Variants in SASH1 observed in about 807,000 individuals in gnomAD.
SASH1 encodes SAM and SH3 domain containing 1.
SASH1 carries 44 observed loss-of-function variants against 125.2 expected under a neutral mutation model. The ratio of observed to expected loss-of-function variants is 0.35; its 90% confidence interval spans 0.28 to 0.45. The LOEUF (loss-of-function observed/expected upper bound fraction) is 0.45. SASH1 is among the 20% of genes least tolerant of loss of function. SASH1 has a pLI of 1.00. For missense variants in SASH1, 1,426 were observed against 1,614.5 expected (o/e 0.88, Z 2.00); for synonymous variants, 639 against 649.1 (o/e 0.98, Z 0.24).
intron 2 of SASH1, among the ~76,000 whole-genome samples, chr6:148,400,142 C>G (rs113057213): frequency 0.011 from 1,732 of 152,290 alleles, 21 homozygotes; most frequent in African/African-American, 0.031. Context: ...GTTTCTGTAG[C>G]TGGATCTATG....
At chr6:148,274,188 G>C (rs1014077595) in intron 1 of SASH1, among the ~76,000 whole-genome samples, 1 of 152,174 alleles carries the variant, frequency 6.6e-6, no homozygotes, top group Non-Finnish European at 1.5e-5. Context: ...GGAGTCCAAG[G>C]GAGGCTGGTA....
At chr6:148,369,986 AG>A (rs1782648403) in intron 1 of SASH1, among the ~76,000 whole-genome samples, 5 of 146,248 alleles carry the variant, frequency 3.4e-5, no homozygotes, top group South Asian at 2.2e-4. Flanking sequence ...AAAAAAAAAA[AG>A]GAAAGAAAAA....
chr6:148,476,747 AAC>A (rs1243970606), intron 7 of SASH1, among the ~76,000 whole-genome samples: 1 of 152,208 alleles, frequency 6.6e-6, no homozygotes. Context: ...GAATACCTAG[AAC>A]AGCCAAAGCC....
intron 2 of SASH1, among the ~76,000 whole-genome samples, chr6:148,416,010 C>T (rs779771672): frequency 6.6e-6 from 1 of 151,950 alleles, no homozygotes; most frequent in Non-Finnish European, 1.5e-5. Context: ...TTCAAGCCTA[C>T]ATCCATCAAG....
rs1053332570 is a variant in SASH1, at chr6:148,496,729, C to T, written c.729+9014C>T. On this transcript the variant is annotated intron_variant, in intron 8 of 19. Transcript: ENST00000367467. ...ATCTACATAAAATAAAAAAGTTAGC[C>T]GGGCATGGTGGCACACGCCTGTAGT... Among the ~76,000 whole-genome samples the T allele has an allele frequency of 3.3e-5, 5 of 152,082 alleles. No individual in the cohort carries two copies. In the South Asian group the frequency reaches 6.2e-4, roughly 19 times the overall value.
intron 8 of SASH1, among the ~76,000 whole-genome samples, chr6:148,494,727 C>T (rs933664805): frequency 6.6e-6 from 1 of 152,184 alleles, no homozygotes; most frequent in African/African-American, 2.4e-5. Context: ...CTCTTCATAG[C>T]CTTCCATTCA....
intron 1 of SASH1, among the ~76,000 whole-genome samples, chr6:148,376,156 T>G (rs1782882850): frequency 6.6e-6 from 1 of 152,168 alleles, no homozygotes; most frequent in Non-Finnish European, 1.5e-5. Context: ...AACCCCTGCC[T>G]TCTGGATTCA....
Position 148,283,559 on chromosome 6 carries a change from G to A in SASH1, n.74+11182G>A, listed in dbSNP as rs189044287. On this transcript the variant is annotated intron_variant and non_coding_transcript_variant, in intron 1 of 3. Coordinates refer to the SASH1 transcript ENST00000367469. ...GGCAGAGGAGGATGGGTCAACTGAC[G>A]TCAGGAGATCGAGACCATCCTGGCT... 2.8e-3 allele frequency among the ~76,000 whole-genome samples: 430 copies of A among 152,254 alleles called. 2 individuals are homozygous for A. Among genetic ancestry groups the A allele is most frequent in the African/African-American group, 9.3e-3 (386 of 41,536 alleles).
intron 1 of SASH1, among the ~76,000 whole-genome samples, chr6:148,367,506 G>A (rs1030625078): frequency 6.6e-6 from 1 of 152,180 alleles, no homozygotes; most frequent in African/African-American, 2.4e-5. Context: ...TTACGTCCTC[G>A]GGCTGAACCA....
intron 1 of SASH1, among the ~76,000 whole-genome samples, chr6:148,325,261 T>TTTGTTGTTGTTGTTGTTGTTGTTGTTG (rs1554235037): frequency 7.3e-5 from 11 of 149,878 alleles, no homozygotes; most frequent in Non-Finnish European, 1.6e-4. Flanking sequence ...AAAAGCCTCT[T>TTTGTTGTTGTTGTTGTTGTTGTTGTTG]TTGTTGTTGT....
chr6:148,505,547 G>T (rs1292829176), intron 8 of SASH1, among the ~76,000 whole-genome samples: 2 of 152,144 alleles, frequency 1.3e-5, no homozygotes, highest in African/African-American at 4.8e-5. Flanking sequence ...CTGGCCTCAA[G>T]TGATCTGCCT....
upstream of SASH1, chr6:148,342,455 G>C (rs1482656877): frequency 6.6e-6 from 1 of 152,190 alleles, no homozygotes; most frequent in Non-Finnish European, 1.5e-5. Context: ...ACCGCGGCGC[G>C]GCTGCTCTTT....
At position 148,548,610 on chromosome 6, in the gene SASH1, A is replaced by AT; in HGVS notation, c.*53dup. On this transcript the variant is annotated 3_prime_UTR_variant, in exon 20 of 20. Coordinates refer to ENST00000367467, the MANE Select transcript of SASH1 (RefSeq NM_015278.5). ...CAAGAGCCACCCTTTCACTGTGCAT[A>AT]TGATGCTGATGCAATTCCTCCATCA... 6.6e-7 allele frequency: 1 copy of AT among 1,513,722 alleles called. No individual in the cohort carries two copies. The highest frequency in any genetic ancestry group is 1.3e-5 in the South Asian group (1 of 75,558). The allele number at this position is 1,513,722 out of a possible 1,614,324, so 93.8% of individuals were successfully genotyped here. A position where few individuals can be genotyped will look rare whatever the true frequency, so the allele number is the denominator to read the frequency against.
At chr6:148,482,809 C>T (rs1583231736) in intron 7 of SASH1, among the ~76,000 whole-genome samples, 1 of 151,914 alleles carries the variant, frequency 6.6e-6, no homozygotes, top group East Asian at 1.9e-4. Flanking sequence ...CTGCCTCAGC[C>T]TCCCAAGTAG....
At chr6:148,421,376 T>G (rs1234217252) in intron 2 of SASH1, among the ~76,000 whole-genome samples, 1 of 152,218 alleles carries the variant, frequency 6.6e-6, no homozygotes, top group East Asian at 1.9e-4. Flanking sequence ...TAATCTCAGC[T>G]CACTGCATCC....
intron 1 of SASH1, among the ~76,000 whole-genome samples, chr6:148,325,346 G>C (rs1308426089): frequency 6.6e-6 from 1 of 151,884 alleles, no homozygotes; most frequent in Non-Finnish European, 1.5e-5. Flanking sequence ...TCGCGATTTT[G>C]GCTCACTGCA....
At chr6:148,404,230 G>T (rs1190788314) in intron 2 of SASH1, among the ~76,000 whole-genome samples, 1 of 152,100 alleles carries the variant, frequency 6.6e-6, no homozygotes, top group African/African-American at 2.4e-5. Flanking sequence ...TTCTGGAAAA[G>T]AAATGCCTTT....
At chr6:148,262,272 A>G in the SASH1 span, among the ~76,000 whole-genome samples, 1 of 152,178 alleles carries the variant, frequency 6.6e-6, no homozygotes, top group Non-Finnish European at 1.5e-5. Flanking sequence ...TTTCCTGAAC[A>G]GCACGGCAAT....
chr6:148,513,123 T>TC, intron 8 of SASH1: 1 of 985,424 alleles, frequency 1.0e-6, no homozygotes, highest in African/African-American at 1.7e-5. Context: ...CTCTTGCTTA[T>TC]CTGTTTTATT....
Sources: allele counts gnomAD v4.1 joint callset (sites outside exome capture counted in the v4.1 genomes callset), GRCh38; gene constraint gnomAD v4.1.1; transcripts MANE v1.5; gene names NCBI Gene and HGNC (gene_info 2026-07-23, HGNC 2026-07-21).